ANO4: variants seen among roughly 807,000 people sequenced by gnomAD.
ANO4 encodes the protein anoctamin 4.
In ANO4, 69 loss-of-function variants were observed where a neutral mutation model predicts 141.9. The observed-to-expected ratio is 0.49, with a 90% CI of 0.40 to 0.59. The LOEUF (loss-of-function observed/expected upper bound fraction) is 0.59, where lower values mean the gene tolerates loss of function less well. ANO4 is among the 20% of genes least tolerant of loss of function. The pLI, the probability that ANO4 is intolerant of heterozygous loss-of-function variation, is 0.00. For missense variants in ANO4, 894 were observed against 1,162.2 expected (o/e 0.77, Z 3.36); for synonymous variants, 350 against 394.3 (o/e 0.89, Z 1.33).
chr12:100,975,955 A>AAAAAAC (rs1555266336), intron 7 of ANO4, among the ~76,000 whole-genome samples: 1 of 124,624 alleles, frequency 8.0e-6, no homozygotes, highest in Non-Finnish European at 1.6e-5. Context: ...GAAAAAAAAA[A>AAAAAAC]CCCACCAGAT....
intron 1 of ANO4, among the ~76,000 whole-genome samples, chr12:100,848,203 G>T (rs575023959): frequency 6.6e-6 from 1 of 152,038 alleles, no homozygotes; most frequent in South Asian, 2.1e-4. Flanking sequence ...TTATCCCATT[G>T]TTCCTGCCTT....
chr12:101,055,569 G>T (rs1157000898), intron 14 of ANO4, among the ~76,000 whole-genome samples: 1 of 152,124 alleles, frequency 6.6e-6, no homozygotes, highest in Non-Finnish European at 1.5e-5. Context: ...TATATTCTAG[G>T]TAGAAATGCT....
intron 3 of ANO4, among the ~76,000 whole-genome samples, chr12:100,741,712 C>A (rs1257874107): frequency 1.3e-5 from 2 of 152,186 alleles, no homozygotes. Context: ...GGAAAGAAAT[C>A]ACTATCTGGG....
At chr12:100,944,022 C>G (rs1566039758) in intron 5 of ANO4, among the ~76,000 whole-genome samples, 1 of 152,168 alleles carries the variant, frequency 6.6e-6, no homozygotes, top group African/African-American at 2.4e-5. Flanking sequence ...CCCATCAAAA[C>G]TAGATAGCTT....
chr12:101,002,705 G>C (rs916581711), intron 8 of ANO4, among the ~76,000 whole-genome samples: 9 of 151,990 alleles, frequency 5.9e-5, no homozygotes, highest in African/African-American at 1.9e-4. Context: ...TAGACTTCTG[G>C]GCCCATTAGC....
chr12:100,964,049 C>T (rs775345468), intron 5 of ANO4, among the ~76,000 whole-genome samples: 2 of 152,164 alleles, frequency 1.3e-5, no homozygotes, highest in East Asian at 1.9e-4. Context: ...GAAATTTGCT[C>T]TTACTACTGG....
chr12:100,784,625 T>C (rs772822107), intron 3 of ANO4, among the ~76,000 whole-genome samples: 7 of 152,242 alleles, frequency 4.6e-5, no homozygotes, highest in Non-Finnish European at 7.4e-5. Flanking sequence ...GTTCCTGTTT[T>C]AGCCCTAGAC....
At chr12:101,043,284 T>C (rs2047483607) in intron 12 of ANO4, among the ~76,000 whole-genome samples, 1 of 152,242 alleles carries the variant, frequency 6.6e-6, no homozygotes, top group East Asian at 1.9e-4. Context: ...GATATAACAA[T>C]CAATGTTTGG....
At chr12:100,991,000 A>T (rs979229625) in intron 8 of ANO4, among the ~76,000 whole-genome samples, 1 of 152,204 alleles carries the variant, frequency 6.6e-6, no homozygotes, top group Non-Finnish European at 1.5e-5. Flanking sequence ...ATATCAAGAC[A>T]GGAGAACCAA....
intron 8 of ANO4, among the ~76,000 whole-genome samples, chr12:101,019,473 G>T (rs973691052): frequency 1.3e-5 from 2 of 152,080 alleles, no homozygotes; most frequent in African/African-American, 4.8e-5. Flanking sequence ...TCAATCTTAA[G>T]TGTGTGCTTT....
chr12:100,835,292 A>G (rs1351066113), intron 1 of ANO4, among the ~76,000 whole-genome samples: 1 of 152,006 alleles, frequency 6.6e-6, no homozygotes, highest in Non-Finnish European at 1.5e-5. Context: ...ATATTTTTGA[A>G]TTCATTTTGA....
chr12:100,902,830 C>A (rs2040659363), intron 2 of ANO4, among the ~76,000 whole-genome samples: 1 of 152,220 alleles, frequency 6.6e-6, no homozygotes, highest in South Asian at 2.1e-4. Context: ...AGGGGCCTCC[C>A]ACTGTCTTTG....
chr12:100,943,013 T>G (rs1004692443), intron 5 of ANO4, among the ~76,000 whole-genome samples: 1 of 152,264 alleles, frequency 6.6e-6, no homozygotes, highest in South Asian at 2.1e-4. Flanking sequence ...AAGATTCCAG[T>G]TTTAAGAGAC....
intron 12 of ANO4, 72 bp from the exon 13 acceptor site, chr12:101,043,467 G>T (rs2047492254): frequency 8.9e-6 from 10 of 1,123,776 alleles, no homozygotes; most frequent in Non-Finnish European, 1.3e-5. Flanking sequence ...TTTACTAGTT[G>T]AACATTCTGG....
chr12:101,078,845 A>T (rs886398456), intron 14 of ANO4, among the ~76,000 whole-genome samples: 1 of 152,192 alleles, frequency 6.6e-6, no homozygotes, highest in African/African-American at 2.4e-5. Flanking sequence ...ATAAAAAAAA[A>T]TAAATGCTGT....
At chr12:100,938,358 A>C in intron 3 of ANO4, among the ~76,000 whole-genome samples, 1 of 152,254 alleles carries the variant, frequency 6.6e-6, no homozygotes, top group East Asian at 1.9e-4. Context: ...TATGCCTGAC[A>C]CACAATGTGC....
chr12:100,930,803 C>T (rs1453660584), intron 3 of ANO4, among the ~76,000 whole-genome samples: 1 of 152,064 alleles, frequency 6.6e-6, no homozygotes, highest in East Asian at 1.9e-4. Flanking sequence ...ATGTATTTTT[C>T]CCCAATATAT....
chr12:100,808,008 T>C (rs2035165673), intron 1 of ANO4, among the ~76,000 whole-genome samples: 1 of 152,188 alleles, frequency 6.6e-6, no homozygotes, highest in Non-Finnish European at 1.5e-5. Flanking sequence ...CTATTGTGAA[T>C]AGTGATGCAG....
chr12:101,079,115 T>C (rs886319103), intron 14 of ANO4, 78 bp from the exon 15 acceptor site: 5 of 1,253,840 alleles, frequency 4.0e-6, no homozygotes, highest in Non-Finnish European at 5.8e-6. Flanking sequence ...GGCAATGGCT[T>C]CATTATTCAG....
Sources: allele counts gnomAD v4.1 joint callset (sites outside exome capture counted in the v4.1 genomes callset), GRCh38; gene constraint gnomAD v4.1.1; transcripts MANE v1.5; gene names NCBI Gene and HGNC (gene_info 2026-07-23, HGNC 2026-07-21).